SNAP91: variants seen among roughly 807,000 people sequenced by gnomAD.
SNAP91 encodes the protein clathrin coat assembly protein AP180.
In SNAP91, 27 loss-of-function variants were observed where a neutral mutation model predicts 100.3. The observed-to-expected ratio is 0.27, with a 90% CI of 0.20 to 0.37. SNAP91 has a LOEUF of 0.37. SNAP91 is among the 10% of genes least tolerant of loss of function. The pLI is 1.00. For missense variants in SNAP91, 986 were observed against 1,123.7 expected, an observed-to-expected ratio of 0.88 and a Z score of 1.75; for synonymous variants, 404 against 398.6, an observed-to-expected ratio of 1.01 and a Z score of -0.16.
chr6:83,683,747 C>A (rs1338654247), intron 2 of SNAP91, among the ~76,000 whole-genome samples: 1 of 152,192 alleles, frequency 6.6e-6, no homozygotes, highest in Non-Finnish European at 1.5e-5. Context: ...CCTGGATAGT[C>A]TAAGATGGAT....
intron 16 of SNAP91, 63 bp downstream of exon 16, chr6:83,601,208 C>T (rs963280072): frequency 5.1e-6 from 8 of 1,556,664 alleles, no homozygotes; most frequent in South Asian, 1.2e-5. Flanking sequence ...ATTTTAAAGA[C>T]CTTAACTCCC....
intron 7 of SNAP91, among the ~76,000 whole-genome samples, chr6:83,654,499 C>A (rs2098333758): frequency 6.6e-6 from 1 of 152,036 alleles, no homozygotes; most frequent in Non-Finnish European, 1.5e-5. Context: ...CCTTGGGGAC[C>A]CAAAATGTCA....
intron 26 of SNAP91, among the ~76,000 whole-genome samples, chr6:83,570,819 G>A (rs1416468241): frequency 6.6e-6 from 1 of 152,216 alleles, no homozygotes; most frequent in Non-Finnish European, 1.5e-5. Context: ...TCAGGCAGAA[G>A]TTTGCTGCAG....
At chr6:83,623,270 T>C in intron 9 of SNAP91, 31 bp downstream of exon 9, 4 of 1,554,540 alleles carry the variant, frequency 2.6e-6, no homozygotes, top group South Asian at 1.1e-5. Context: ...ATCTCATGCA[T>C]ACTGAATCTT....
intron 18 of SNAP91, 25 bp downstream of exon 18, chr6:83,593,453 G>T: frequency 6.5e-7 from 1 of 1,547,874 alleles, no homozygotes; most frequent in Non-Finnish European, 8.7e-7. Context: ...ACGGAAAGAG[G>T]TCGACAACAA....
chr6:83,584,572 C>T (rs1028823954), intron 22 of SNAP91, among the ~76,000 whole-genome samples: 6 of 152,176 alleles, frequency 3.9e-5, no homozygotes, highest in Admixed American at 1.3e-4. Context: ...CAGGGCTCAC[C>T]AAGTGCCAGG....
Position 83,652,084 on chromosome 6 carries a change from G to A in SNAP91, c.658+4670C>T, listed in dbSNP as rs554470171. ...CCATCTCTCTACTCTTAATTTATGT[G>A]TGTCTTTATATTTAAAGTAGATTTC... is the stretch of plus-strand genomic sequence containing the variant. On this transcript the variant is annotated intron_variant, in intron 7 of 29. Transcript: ENST00000369694. Among the ~76,000 whole-genome samples, 46 of 152,168 alleles carry A rather than the reference G, an allele frequency of 3.0e-4. 1 individual carries two copies. The South Asian group carries it at 9.5e-3, about 32-fold the overall frequency.
chr6:83,584,101 A>C (rs1832344805), intron 22 of SNAP91, among the ~76,000 whole-genome samples: 1 of 152,186 alleles, frequency 6.6e-6, no homozygotes, highest in Non-Finnish European at 1.5e-5. Flanking sequence ...GACCATTTTG[A>C]TTTTAGGAAG....
In SNAP91 at chr6:83,575,056, A is replaced by C; in HGVS notation, c.2396T>G (p.Val799Gly). 2.5e-6 allele frequency: 4 copies of C among 1,605,088 alleles called. No homozygotes were observed. Among genetic ancestry groups the C allele is most frequent in the Non-Finnish European group, 3.4e-6 (4 of 1,175,594 alleles). ...GCCTGCTGACCAGGTTGCTGGAGCT[A>C]CTTTAGGCTGCCAGTTGGCTCCACC... is the stretch of plus-strand genomic sequence containing the variant. ...LTGGANWQPK[V>G]APATWSAGVP... Residue 799 changes from valine to glycine, a missense_variant, in exon 26 of 30, where the codon GTA becomes GGA. Val to Gly is a moderately radical substitution (Grantham distance 109, BLOSUM62 -3). Transcript: ENST00000369694.
intron 2 of SNAP91, among the ~76,000 whole-genome samples, chr6:83,697,324 GCACACACACACACACACACA>G (rs57251608): frequency 3.6e-5 from 5 of 138,062 alleles, no homozygotes; most frequent in Non-Finnish European, 6.2e-5. Context: ...GAAAATAGCT[GCACACACACACACACACACA>G]CACACACACA....
chr6:83,629,298 T>C (rs1010452954), intron 8 of SNAP91, among the ~76,000 whole-genome samples: 1 of 152,184 alleles, frequency 6.6e-6, no homozygotes, highest in African/African-American at 2.4e-5. Context: ...GGTAATGTGA[T>C]GCCTCCAGAT....
intron 14 of SNAP91, among the ~76,000 whole-genome samples, chr6:83,602,690 T>A (rs1236920554): frequency 6.6e-6 from 1 of 152,194 alleles, no homozygotes; most frequent in African/African-American, 2.4e-5. Context: ...AGAGAATTTC[T>A]TTATTAGCAT....
chr6:83,678,674 C>T (rs2098944456), intron 2 of SNAP91: 1 of 1,019,910 alleles, frequency 9.8e-7, no homozygotes, highest in East Asian at 6.0e-5. Context: ...TATCACAGCA[C>T]TGGATCTAAC....
At chr6:83,600,212 A>T (rs9294279) in intron 16 of SNAP91, among the ~76,000 whole-genome samples, 117,589 of 152,134 alleles carry the variant, frequency 0.77, 45,900 homozygotes, top group East Asian at 0.88. Flanking sequence ...GTGGCAACAA[A>T]GCTGTGTCTA....
intron 26 of SNAP91, among the ~76,000 whole-genome samples, chr6:83,573,786 T>C (rs529596059): frequency 6.6e-6 from 1 of 152,182 alleles, no homozygotes; most frequent in Non-Finnish European, 1.5e-5. Flanking sequence ...CCTTACACCT[T>C]ATACAAAAAT....
At chr6:83,641,802 TC>T (rs745872272) in intron 7 of SNAP91, among the ~76,000 whole-genome samples, 4 of 152,158 alleles carry the variant, frequency 2.6e-5, no homozygotes, top group Non-Finnish European at 4.4e-5. Flanking sequence ...GACTTTCTAG[TC>T]TATTTATGCT....
intron 14 of SNAP91, 76 bp from the exon 15 acceptor site, chr6:83,601,675 A>G: frequency 7.2e-7 from 1 of 1,389,924 alleles, no homozygotes; most frequent in Admixed American, 1.7e-5. Flanking sequence ...ACCAATGTCC[A>G]AGCCAGATAA....
At chr6:83,623,247 A>G in intron 9 of SNAP91, 54 bp downstream of exon 9, 1 of 1,387,878 alleles carries the variant, frequency 7.2e-7, no homozygotes, top group Non-Finnish European at 1.0e-6. Flanking sequence ...TTGTGGCAAT[A>G]TATGTTGTAA....
In SNAP91 at chr6:83,583,471, A is replaced by G. The variant is rs146012414; in HGVS notation, c.2015-1115T>C. Among the ~76,000 whole-genome samples, 346 of 152,336 alleles carry G rather than the reference A, an allele frequency of 2.3e-3. 1 individual carries two copies. The highest frequency in any genetic ancestry group is 6.6e-3 in the African/African-American group (273 of 41,568). The stretch of plus-strand genomic sequence containing the variant: ...AAAGTAATCCAACCTCAGATTAAGT[A>G]TTTATCCTTTGACGGCTGGAAGCAA... On this transcript the variant is annotated intron_variant, in intron 22 of 29. Transcript: ENST00000369694.
Sources: gnomAD v4.1 joint callset for allele counts (sites outside exome capture counted in the v4.1 genomes callset) on GRCh38, gnomAD v4.1.1 for gene constraint, MANE v1.5 for transcripts, NCBI Gene and HGNC (gene_info 2026-07-23, HGNC 2026-07-21) for gene names.